ATRNL1: variants seen among roughly 807,000 people sequenced by gnomAD.
ATRNL1 encodes the protein attractin-like protein 1.
ATRNL1 carries 95 observed loss-of-function variants against 182.7 expected under a neutral mutation model. The ratio of observed to expected loss-of-function variants is 0.52; its 90% CI spans 0.44 to 0.62. ATRNL1 has a LOEUF of 0.62. Ranked by LOEUF, ATRNL1 falls within the 20% of genes least tolerant of loss-of-function variation. The pLI, the probability that ATRNL1 is intolerant of heterozygous loss-of-function variation, is 0.00. For missense variants in ATRNL1, 1,471 were observed against 1,679.5 expected (o/e 0.88, Z 2.17); for synonymous variants, 576 against 568.3 (o/e 1.01, Z -0.19).
At chr10:115,649,872 A>C (rs1593007988) in intron 26 of ATRNL1, among the ~76,000 whole-genome samples, 1 of 152,230 alleles carries the variant, frequency 6.6e-6, no homozygotes, top group East Asian at 1.9e-4. Context: ...AAAAGTGTAA[A>C]TGAATTATCA....
chr10:115,315,191 A>G (rs1429393074), intron 17 of ATRNL1, among the ~76,000 whole-genome samples: 3 of 152,138 alleles, frequency 2.0e-5, no homozygotes, highest in Admixed American at 1.3e-4. Flanking sequence ...AGACAATAAT[A>G]AAGGTGGTCT....
At chr10:115,771,229 A>G (rs1555076290) in intron 27 of ATRNL1, among the ~76,000 whole-genome samples, 1 of 128,190 alleles carries the variant, frequency 7.8e-6, no homozygotes, top group African/African-American at 3.4e-5. Context: ...TAGGATTCTT[A>G]CTTTTTTTTT....
At chr10:115,432,343 A>T (rs1480096055) in intron 21 of ATRNL1, among the ~76,000 whole-genome samples, 1 of 152,122 alleles carries the variant, frequency 6.6e-6, no homozygotes, top group Non-Finnish European at 1.5e-5. Context: ...TCTCTAGATT[A>T]CATAGGATCC....
At chr10:115,752,691 C>T (rs1859787503) in intron 27 of ATRNL1, among the ~76,000 whole-genome samples, 3 of 152,152 alleles carry the variant, frequency 2.0e-5, no homozygotes, top group South Asian at 4.1e-4. Context: ...GCCTCTATAG[C>T]GCTTGTAGTA....
At chr10:115,249,060 C>A (rs1469543680) in intron 10 of ATRNL1, among the ~76,000 whole-genome samples, 1 of 152,078 alleles carries the variant, frequency 6.6e-6, no homozygotes, top group Non-Finnish European at 1.5e-5. Flanking sequence ...CGGCTCACTG[C>A]AACTTCTGCC....
At chr10:115,354,137 T>A (rs1856395145) in intron 19 of ATRNL1, among the ~76,000 whole-genome samples, 1 of 151,462 alleles carries the variant, frequency 6.6e-6, no homozygotes, top group African/African-American at 2.4e-5. Flanking sequence ...AACATTATAA[T>A]TTTTTTTTAG....
At chr10:115,662,669 AAT>A (rs1555038406) in intron 26 of ATRNL1, among the ~76,000 whole-genome samples, 1 of 152,172 alleles carries the variant, frequency 6.6e-6, no homozygotes, top group African/African-American at 2.4e-5. Context: ...TATCCCTCAT[AAT>A]AGAATTTCAA....
At chr10:115,315,935 G>C (rs147655186) in intron 18 of ATRNL1, among the ~76,000 whole-genome samples, 199 bp downstream of exon 18, 9 of 152,296 alleles carry the variant, frequency 5.9e-5, no homozygotes, top group Non-Finnish European at 1.3e-4. Flanking sequence ...AGAATCATTA[G>C]ATAGGCTAAA....
chr10:115,573,916 TG>T (rs1394301600), intron 26 of ATRNL1, among the ~76,000 whole-genome samples: 1 of 152,152 alleles, frequency 6.6e-6, no homozygotes, highest in Admixed American at 6.5e-5. Context: ...ATGCCAGGTA[TG>T]TAATTAAGAA....
At chr10:115,344,162 G>A (rs544616686) in intron 19 of ATRNL1, among the ~76,000 whole-genome samples, 1 of 152,168 alleles carries the variant, frequency 6.6e-6, no homozygotes, top group East Asian at 1.9e-4. Context: ...AAGTCCTGGG[G>A]CTCTACAATC....
intron 9 of ATRNL1, among the ~76,000 whole-genome samples, chr10:115,226,881 A>G (rs1440717180): frequency 6.6e-5 from 10 of 152,180 alleles, no homozygotes; most frequent in East Asian, 1.9e-4. Context: ...CCATATGCCA[A>G]AGATTGAAGC....
intron 19 of ATRNL1, among the ~76,000 whole-genome samples, chr10:115,381,419 A>AC (rs1857990672): frequency 1.6e-5 from 1 of 63,400 alleles, no homozygotes; most frequent in South Asian, 4.4e-4. Flanking sequence ...GGCACATGCC[A>AC]CCATACCTGG....
At chr10:115,357,444 G>A in intron 19 of ATRNL1, among the ~76,000 whole-genome samples, 1 of 151,752 alleles carries the variant, frequency 6.6e-6, no homozygotes, top group East Asian at 1.9e-4. Flanking sequence ...TAGTGATGGT[G>A]GAGAAGTTAA....
chr10:115,354,067 C>T (rs1299027780), intron 19 of ATRNL1, among the ~76,000 whole-genome samples: 1 of 152,284 alleles, frequency 6.6e-6, no homozygotes, highest in Non-Finnish European at 1.5e-5. Flanking sequence ...AGCTTGTGGG[C>T]CACATGCAGC....
intron 10 of ATRNL1, among the ~76,000 whole-genome samples, chr10:115,263,195 G>A (rs1404894876): frequency 1.3e-5 from 2 of 151,668 alleles, no homozygotes. Flanking sequence ...ATTTAAATGA[G>A]CTGTTGAATT....
At chr10:115,327,992 C>T (rs953045521) in intron 18 of ATRNL1, among the ~76,000 whole-genome samples, 3 of 151,794 alleles carry the variant, frequency 2.0e-5, no homozygotes, top group Non-Finnish European at 4.4e-5. Flanking sequence ...TGCTAGATGA[C>T]GAGTTAGTGG....
At chr10:115,821,813 A>T (rs1555090480) in intron 27 of ATRNL1, among the ~76,000 whole-genome samples, 1 of 152,238 alleles carries the variant, frequency 6.6e-6, no homozygotes, top group Non-Finnish European at 1.5e-5. Flanking sequence ...AAAGAGACTT[A>T]GACTCCCACA....
intron 26 of ATRNL1, among the ~76,000 whole-genome samples, chr10:115,628,918 A>G (rs1858297217): frequency 6.6e-6 from 1 of 152,132 alleles, no homozygotes; most frequent in Admixed American, 6.6e-5. Context: ...ATTCTTTCCT[A>G]ATTGAATAGT....
intron 26 of ATRNL1, among the ~76,000 whole-genome samples, chr10:115,551,320 C>T (rs1216810309): frequency 6.6e-6 from 1 of 151,480 alleles, no homozygotes; most frequent in African/African-American, 2.4e-5. Flanking sequence ...CAAGTTGATA[C>T]TACTTCAATT....
Sources: allele counts gnomAD v4.1 joint callset (sites outside exome capture counted in the v4.1 genomes callset), GRCh38; gene constraint gnomAD v4.1.1; transcripts MANE v1.5; gene names NCBI Gene and HGNC (gene_info 2026-07-23, HGNC 2026-07-21).